HPGDS: variants seen among roughly 807,000 people sequenced by gnomAD.
HPGDS encodes GST class-sigma.
HPGDS carries 26 observed loss-of-function variants against 23.1 expected under a neutral mutation model. The ratio of observed to expected loss-of-function variants is 1.13; its 90% confidence interval spans 0.83 to 1.56. The LOEUF (loss-of-function observed/expected upper bound fraction) is 1.56, where lower values mean the gene tolerates loss of function less well. Among genes scored for constraint, HPGDS ranks in the 40% most tolerant of loss-of-function variants. The probability of loss-of-function intolerance (pLI) is 0.00; values close to 1 mark genes in which losing one functional copy is unlikely to be tolerated. For synonymous variants in HPGDS, 95 were observed against 77.9 expected (o/e 1.22, Z -1.16); for missense variants, 268 against 236.4 (o/e 1.13, Z -0.88).
At chr4:94,337,299 A>G (rs1464062650) in intron 1 of HPGDS, among the ~76,000 whole-genome samples, 1 of 152,098 alleles carries the variant, frequency 6.6e-6, no homozygotes, top group African/African-American at 2.4e-5. Context: ...AGCATTCTAT[A>G]TAAAACTTTT....
chr4:94,307,325 C>T (rs1756157510), intron 4 of HPGDS, among the ~76,000 whole-genome samples: 1 of 151,136 alleles, frequency 6.6e-6, no homozygotes, highest in Non-Finnish European at 1.5e-5. Context: ...AAAAAAAAAT[C>T]CTGGGTAATA....
chr4:94,318,295 G>T (rs1383797714), intron 2 of HPGDS, among the ~76,000 whole-genome samples: 2 of 152,008 alleles, frequency 1.3e-5, no homozygotes, highest in African/African-American at 4.8e-5. Flanking sequence ...AGCCTCAATT[G>T]CAGATTATTA....
chr4:94,312,389 G>T lies in HPGDS; in HGVS notation c.227-3646C>A, dbSNP rs750385710. 2.6e-5 allele frequency among the ~76,000 whole-genome samples: 4 copies of T among 152,174 alleles called. No homozygotes were observed. The East Asian group carries it at 7.7e-4, about 29-fold the overall frequency. Reference sequence around the variant, plus strand: ...ACATCGTTATTTCTGCCTTCATTTCGTTATGTACCCAGTAGTCATTCAGGA... The same window carrying T: ...ACATCGTTATTTCTGCCTTCATTTCTTTATGTACCCAGTAGTCATTCAGGA... On this transcript the variant is annotated intron_variant, in intron 3 of 5. Coordinates refer to ENST00000295256, the MANE Select transcript of HPGDS (RefSeq NM_014485.3).
chr4:94,319,190 A>T (rs1756454800), intron 2 of HPGDS, among the ~76,000 whole-genome samples: 1 of 152,118 alleles, frequency 6.6e-6, no homozygotes, highest in Non-Finnish European at 1.5e-5. Flanking sequence ...TTCTAACAAT[A>T]TTTGCTTCAT....
intron 4 of HPGDS, chr4:94,303,738 G>A (rs1560583557): frequency 6.6e-6 from 1 of 152,144 alleles, no homozygotes; most frequent in Non-Finnish European, 1.5e-5. Flanking sequence ...TTTGATTGTT[G>A]GACAACTTTC....
chr4:94,322,412 G>T (rs1022652786), intron 2 of HPGDS, among the ~76,000 whole-genome samples: 1 of 152,002 alleles, frequency 6.6e-6, no homozygotes, highest in East Asian at 1.9e-4. Flanking sequence ...TTGGTTGGTA[G>T]GCTATTAATT....
At chr4:94,323,314 CATT>C in intron 2 of HPGDS, among the ~76,000 whole-genome samples, 1 of 152,264 alleles carries the variant, frequency 6.6e-6, no homozygotes, top group Non-Finnish European at 1.5e-5. Context: ...TCCTGGACAT[CATT>C]GTTAACCTTC....
At chr4:94,321,260 C>A (rs576410299) in intron 2 of HPGDS, among the ~76,000 whole-genome samples, 24 of 152,120 alleles carry the variant, frequency 1.6e-4, no homozygotes, top group Admixed American at 6.5e-4. Flanking sequence ...TTTTTTGGTT[C>A]CATATGAACT....
At chr4:94,320,685 G>A (rs535257233) in intron 2 of HPGDS, among the ~76,000 whole-genome samples, 1 of 152,280 alleles carries the variant, frequency 6.6e-6, no homozygotes, top group Non-Finnish European at 1.5e-5. Context: ...TGGATAGATT[G>A]CAAAATTTTT....
chr4:94,315,689 T>G (rs989872313), intron 3 of HPGDS, among the ~76,000 whole-genome samples: 5 of 152,246 alleles, frequency 3.3e-5, no homozygotes, highest in African/African-American at 1.2e-4. Context: ...AAATTATACC[T>G]CAATAAAGGT....
chr4:94,308,695 ACAATAGCAT>A lies in HPGDS; in HGVS notation c.266_274del (p.Asp89_Ile91del). 6.2e-7 allele frequency: 1 copy of A among 1,610,144 alleles called. No homozygotes were observed. The highest frequency in any genetic ancestry group is 2.2e-5 in the East Asian group (1 of 44,732). ...TGACATGAAATCATCCAGAGTGTCC[ACAATAGCAT>A]CAACATGACATTGTTCCATTTCTGT... is the stretch of plus-strand genomic sequence containing the variant. On this transcript the variant is annotated inframe_deletion, in exon 4 of 6. Transcript: ENST00000295256.
At chr4:94,319,218 T>C (rs1421010033) in intron 2 of HPGDS, among the ~76,000 whole-genome samples, 1 of 152,236 alleles carries the variant, frequency 6.6e-6, no homozygotes, top group African/African-American at 2.4e-5. Context: ...GGTGCACATA[T>C]ATTTACAATT....
intron 2 of HPGDS, among the ~76,000 whole-genome samples, chr4:94,323,418 A>G (rs531451819): frequency 3.3e-5 from 5 of 152,284 alleles, no homozygotes; most frequent in African/African-American, 1.2e-4. Flanking sequence ...TAGGTCTCTA[A>G]GGACTTGGTT....
intron 2 of HPGDS, among the ~76,000 whole-genome samples, chr4:94,332,265 T>C (rs1046527202): frequency 6.6e-6 from 1 of 152,130 alleles, no homozygotes; most frequent in South Asian, 2.1e-4. Flanking sequence ...TGTTCTGCCT[T>C]CACCATCTTT....
chr4:94,308,887 T>G, intron 3 of HPGDS, 144 bp from the exon 4 acceptor site: 1 of 478,964 alleles, frequency 2.1e-6, no homozygotes, highest in Non-Finnish European at 3.7e-6. Context: ...CCACCACATT[T>G]TGCTCCCTTA....
At chr4:94,328,813 T>C (rs1756685272) in intron 2 of HPGDS, among the ~76,000 whole-genome samples, 1 of 152,180 alleles carries the variant, frequency 6.6e-6, no homozygotes, top group South Asian at 2.1e-4. Flanking sequence ...ATAAAATTAT[T>C]TTAAAAGAGA....
At chr4:94,314,007 C>G (rs991692462) in intron 3 of HPGDS, among the ~76,000 whole-genome samples, 1 of 152,180 alleles carries the variant, frequency 6.6e-6, no homozygotes, top group African/African-American at 2.4e-5. Flanking sequence ...TTAAGGACTT[C>G]TCTGCATTGG....
chr4:94,313,367 G>T (rs376569930), intron 3 of HPGDS, among the ~76,000 whole-genome samples: 10 of 151,718 alleles, frequency 6.6e-5, no homozygotes, highest in Admixed American at 2.0e-4. Flanking sequence ...TGCTTGTCTG[G>T]AAAGGATTTT....
intron 2 of HPGDS, among the ~76,000 whole-genome samples, chr4:94,322,840 C>A (rs1267034627): frequency 6.6e-6 from 1 of 152,002 alleles, no homozygotes; most frequent in South Asian, 2.1e-4. Context: ...CTCTAGTTCT[C>A]TTAATTGGGA....
Sources: gnomAD v4.1 joint callset for allele counts (sites outside exome capture counted in the v4.1 genomes callset) on GRCh38, gnomAD v4.1.1 for gene constraint, MANE v1.5 for transcripts, NCBI Gene and HGNC (gene_info 2026-07-23, HGNC 2026-07-21) for gene names.